Variants in GRID2 observed in about 807,000 individuals in gnomAD.
GRID2 encodes glutamate receptor ionotropic, delta-2.
Under a neutral mutation model 114.8 loss-of-function variants are expected in GRID2, and 33 were observed. The ratio of observed to expected loss-of-function variants is 0.29; its 90% CI spans 0.22 to 0.38. GRID2 has a LOEUF of 0.38. GRID2 is among the 10% of genes least tolerant of loss of function. The pLI, the probability that GRID2 is intolerant of heterozygous loss-of-function variation, is 1.00. For synonymous variants in GRID2, 505 were observed against 449.9 expected (o/e 1.12, Z -1.55); for missense variants, 1,184 against 1,257.7 (o/e 0.94, Z 0.89).
chr4:92,802,654 G>A (rs560845437), intron 2 of GRID2, among the ~76,000 whole-genome samples: 2 of 151,920 alleles, frequency 1.3e-5, no homozygotes, highest in African/African-American at 2.4e-5. Flanking sequence ...ATACAATAAG[G>A]TGCCAGTATA....
intron 11 of GRID2, among the ~76,000 whole-genome samples, chr4:93,488,240 T>C (rs2149456277): frequency 6.6e-6 from 1 of 152,080 alleles, no homozygotes; most frequent in East Asian, 1.9e-4. Context: ...GATGTAAAAA[T>C]AAATATTTTA....
intron 8 of GRID2, among the ~76,000 whole-genome samples, chr4:93,383,902 G>A (rs1039272617): frequency 3.9e-5 from 6 of 152,106 alleles, no homozygotes; most frequent in Admixed American, 1.3e-4. Context: ...ACATTTTACT[G>A]GAGAAAACTC....
At chr4:92,453,356 T>A (rs1361547953) in intron 1 of GRID2, among the ~76,000 whole-genome samples, 1 of 152,130 alleles carries the variant, frequency 6.6e-6, no homozygotes, top group African/African-American at 2.4e-5. Flanking sequence ...TTACATCTTT[T>A]AGAAATGGAC....
chr4:93,123,811 A>T (rs949787315), intron 4 of GRID2, among the ~76,000 whole-genome samples: 4 of 152,214 alleles, frequency 2.6e-5, no homozygotes, highest in Non-Finnish European at 4.4e-5. Flanking sequence ...AATTCTTACC[A>T]TAACCTGCTG....
intron 2 of GRID2, among the ~76,000 whole-genome samples, chr4:92,818,670 A>G (rs1741068613): frequency 6.6e-6 from 1 of 152,146 alleles, no homozygotes; most frequent in Non-Finnish European, 1.5e-5. Flanking sequence ...TCGCTATACC[A>G]TTGAAATCTC....
At chr4:92,797,300 T>C (rs1739928242) in intron 2 of GRID2, among the ~76,000 whole-genome samples, 1 of 151,998 alleles carries the variant, frequency 6.6e-6, no homozygotes, top group Non-Finnish European at 1.5e-5. Flanking sequence ...GATGAACTGT[T>C]CATGTAGAAA....
intron 9 of GRID2, among the ~76,000 whole-genome samples, chr4:93,419,731 T>A (rs1326334374): frequency 6.6e-6 from 1 of 152,132 alleles, no homozygotes; most frequent in Non-Finnish European, 1.5e-5. Context: ...GGAACAGATT[T>A]TGACAGCAGA....
chr4:93,742,110 A>G (rs905445877), intron 14 of GRID2, among the ~76,000 whole-genome samples: 2 of 152,166 alleles, frequency 1.3e-5, no homozygotes, highest in Admixed American at 6.5e-5. Flanking sequence ...ATGATTCACA[A>G]TCATCTACAT....
At chr4:92,566,900 A>G (rs1727364789) in intron 1 of GRID2, among the ~76,000 whole-genome samples, 1 of 152,024 alleles carries the variant, frequency 6.6e-6, no homozygotes, top group South Asian at 2.1e-4. Context: ...TACTATTAAA[A>G]GTTTTTGAAT....
chr4:92,395,013 G>GC (rs1219574043), intron 1 of GRID2, among the ~76,000 whole-genome samples: 2 of 151,220 alleles, frequency 1.3e-5, no homozygotes, highest in Non-Finnish European at 3.0e-5. Flanking sequence ...ATATGCTTTG[G>GC]CAGAATAAAC....
At chr4:93,782,514 T>C (rs1011019997) in intron 1 of GRID2, among the ~76,000 whole-genome samples, 4 of 152,106 alleles carry the variant, frequency 2.6e-5, no homozygotes, top group African/African-American at 9.7e-5. Context: ...TCTAAGAGAC[T>C]AAGAGGTAGG....
chr4:93,541,901 T>A (rs552243741), intron 13 of GRID2, among the ~76,000 whole-genome samples: 11 of 152,216 alleles, frequency 7.2e-5, no homozygotes, highest in Non-Finnish European at 1.6e-4. Flanking sequence ...TTTGCAAAGA[T>A]GTATGGACAA....
chr4:93,211,331 A>C (rs1232782723), intron 5 of GRID2, among the ~76,000 whole-genome samples: 1 of 152,142 alleles, frequency 6.6e-6, no homozygotes, highest in East Asian at 1.9e-4. Flanking sequence ...GGAAAAAATA[A>C]TAAAAATTTA....
At chr4:92,682,381 A>G (rs1733690249) in intron 2 of GRID2, among the ~76,000 whole-genome samples, 1 of 152,170 alleles carries the variant, frequency 6.6e-6, no homozygotes, top group Admixed American at 6.5e-5. Context: ...TAGACCAGCA[A>G]CAGCACCATC....
chr4:93,348,557 A>G (rs1760471388), intron 8 of GRID2, among the ~76,000 whole-genome samples: 1 of 152,162 alleles, frequency 6.6e-6, no homozygotes, highest in Non-Finnish European at 1.5e-5. Context: ...TGCTTTAGAA[A>G]ATGGATAAAT....
chr4:92,397,609 C>CTT (rs1434964066), intron 1 of GRID2, among the ~76,000 whole-genome samples: 1 of 151,992 alleles, frequency 6.6e-6, no homozygotes, highest in Admixed American at 6.6e-5. Context: ...CATAAAACAA[C>CTT]TATGTTACTG....
intron 2 of GRID2, among the ~76,000 whole-genome samples, chr4:92,674,753 C>T (rs1733257402): frequency 6.6e-6 from 1 of 152,126 alleles, no homozygotes; most frequent in African/African-American, 2.4e-5. Flanking sequence ...GAACTCTTGA[C>T]CTCGTGATCC....
intron 2 of GRID2, among the ~76,000 whole-genome samples, chr4:92,901,814 A>G (rs185170505): frequency 2.6e-5 from 4 of 151,638 alleles, no homozygotes. Flanking sequence ...ACTGATCTAT[A>G]TTATCTTTTT....
intron 1 of GRID2, among the ~76,000 whole-genome samples, chr4:92,482,937 T>C (rs185517682): frequency 1.3e-5 from 2 of 152,338 alleles, no homozygotes; most frequent in East Asian, 3.9e-4. Flanking sequence ...GAACTATAAA[T>C]ACTAATAATA....
Sources: allele counts gnomAD v4.1 joint callset (sites outside exome capture counted in the v4.1 genomes callset), GRCh38; gene constraint gnomAD v4.1.1; transcripts MANE v1.5; gene names NCBI Gene and HGNC (gene_info 2026-07-23, HGNC 2026-07-21).